GRM7: variants seen among roughly 807,000 people sequenced by gnomAD.
GRM7 encodes metabotropic glutamate receptor 7.
In GRM7, 35 loss-of-function variants were observed where a neutral mutation model predicts 84.5. The ratio of observed to expected loss-of-function variants is 0.41; its 90% CI spans 0.32 to 0.55. The LOEUF is 0.55. GRM7 is among the 20% of genes least tolerant of loss of function. The probability of loss-of-function intolerance (pLI) is 0.19; values close to 1 mark genes in which losing one functional copy is unlikely to be tolerated. For synonymous variants in GRM7, 487 were observed against 455.1 expected (o/e 1.07, Z -0.89); for missense variants, 1,003 against 1,194.6 (o/e 0.84, Z 2.36).
chr3:7,224,869 C>T (rs1696931986), intron 2 of GRM7, among the ~76,000 whole-genome samples: 3 of 152,174 alleles, frequency 2.0e-5, no homozygotes, highest in African/African-American at 7.2e-5. Context: ...CCACCACCCA[C>T]TACCATATGA....
At chr3:7,729,945 G>C (rs1702254972) in intron 9 of GRM7, among the ~76,000 whole-genome samples, 1 of 134,986 alleles carries the variant, frequency 7.4e-6, no homozygotes, top group South Asian at 2.5e-4. Context: ...CACGATCTCA[G>C]CTCACTGAAA....
chr3:7,114,078 T>C (rs1246124483), intron 1 of GRM7, among the ~76,000 whole-genome samples: 2 of 152,164 alleles, frequency 1.3e-5, no homozygotes, highest in Non-Finnish European at 2.9e-5. Flanking sequence ...ATTTTTAAAA[T>C]CAGCTGTGTC....
intron 1 of GRM7, among the ~76,000 whole-genome samples, chr3:6,965,121 A>C (rs561096522): frequency 6.6e-6 from 1 of 152,240 alleles, no homozygotes; most frequent in African/African-American, 2.4e-5. Flanking sequence ...TCAGAAATAA[A>C]TGATGAGCAA....
At chr3:7,129,903 G>A (rs992050883) in intron 1 of GRM7, among the ~76,000 whole-genome samples, 1 of 152,164 alleles carries the variant, frequency 6.6e-6, no homozygotes, top group Non-Finnish European at 1.5e-5. Context: ...TCATCAAAAT[G>A]AGTCTTTAAA....
chr3:7,139,337 C>T (rs1302592281), intron 1 of GRM7, among the ~76,000 whole-genome samples: 3 of 151,582 alleles, frequency 2.0e-5, no homozygotes, highest in African/African-American at 7.3e-5. Context: ...CACAGCAACA[C>T]ACAGCATTCA....
At chr3:7,329,628 A>G (rs530227663) in intron 4 of GRM7, among the ~76,000 whole-genome samples, 1 of 152,294 alleles carries the variant, frequency 6.6e-6, no homozygotes, top group South Asian at 2.1e-4. Context: ...ATAAATGAAT[A>G]TTTAAAAAAT....
intron 7 of GRM7, among the ~76,000 whole-genome samples, chr3:7,561,187 C>A (rs1367872952): frequency 6.6e-6 from 1 of 152,088 alleles, no homozygotes; most frequent in Admixed American, 6.6e-5. Context: ...TTCACTGTTT[C>A]TGAATGCGTT....
Position 7,646,265 on chromosome 3 carries a change from C to T in GRM7, c.2452-33784C>T, listed in dbSNP as rs185136174. On this transcript the variant is annotated intron_variant, in intron 8 of 9. Coordinates refer to ENST00000357716, the MANE Select transcript of GRM7 (RefSeq NM_000844.4). ...GGAGTAAAGTGGTGCAATCTCGGCT[C>T]ACTGCAGCCTCTGCCTCCCAGGTTC... Among the ~76,000 whole-genome samples, 347 of 152,270 alleles carry T rather than the reference C, an allele frequency of 2.3e-3. 4 individuals carry two copies. The highest frequency in any genetic ancestry group is 7.8e-3 in the African/African-American group (326 of 41,554).
rs545907129 is a variant in GRM7, at chr3:7,235,570, A to C, written c.737-63114A>C. ...CAACACCTCCTGACGATTTGATCTA[A>C]GCCACCAAGGAAATTCTTTACGGAG... On this transcript the variant is annotated intron_variant, in intron 2 of 9. Coordinates refer to ENST00000357716, the MANE Select transcript of GRM7 (RefSeq NM_000844.4). Among the ~76,000 whole-genome samples, 8 of 152,330 alleles carry C rather than the reference A, an allele frequency of 5.3e-5. No individual in the cohort carries two copies. The South Asian group carries it at 1.7e-3, about 32-fold the overall frequency.
intron 2 of GRM7, among the ~76,000 whole-genome samples, chr3:7,171,258 T>G (rs1694973491): frequency 6.6e-6 from 1 of 152,164 alleles, no homozygotes; most frequent in Admixed American, 6.6e-5. Flanking sequence ...TTCACTTATC[T>G]TCCCTCTGCT....
At chr3:7,336,057 A>G (rs183276180) in intron 4 of GRM7, among the ~76,000 whole-genome samples, 3 of 151,668 alleles carry the variant, frequency 2.0e-5, no homozygotes, top group Admixed American at 2.0e-4. Flanking sequence ...TGAAACCAGT[A>G]TCACCATAAA....
intron 7 of GRM7, among the ~76,000 whole-genome samples, chr3:7,564,103 TCACTGGGGA>T (rs1456603184): frequency 6.6e-6 from 1 of 152,114 alleles, no homozygotes; most frequent in Non-Finnish European, 1.5e-5. Flanking sequence ...TAGATGGTCA[TCACTGGGGA>T]CAAAGAAGAA....
At chr3:7,460,020 G>A (rs57323050) in intron 6 of GRM7, among the ~76,000 whole-genome samples, 135 of 144,112 alleles carry the variant, frequency 9.4e-4, no homozygotes, top group African/African-American at 3.3e-3. Context: ...GATGGATACC[G>A]AGGCAATTTG....
chr3:7,508,514 A>C (rs1454498323), intron 7 of GRM7, among the ~76,000 whole-genome samples: 14 of 152,142 alleles, frequency 9.2e-5, no homozygotes, highest in Admixed American at 9.2e-4. Context: ...AAAGAGGTTA[A>C]TTGGTTATAT....
At chr3:7,392,423 A>G (rs1170184030) in intron 4 of GRM7, among the ~76,000 whole-genome samples, 2 of 152,182 alleles carry the variant, frequency 1.3e-5, no homozygotes, top group Admixed American at 6.5e-5. Flanking sequence ...CTCCAGAGCA[A>G]GCCCTTCAAT....
At chr3:6,899,767 C>A (rs1487609036) in intron 1 of GRM7, among the ~76,000 whole-genome samples, 1 of 152,060 alleles carries the variant, frequency 6.6e-6, no homozygotes, top group African/African-American at 2.4e-5. Context: ...GTTTCATTGA[C>A]CAAACTAAGA....
At chr3:6,930,167 G>T (rs1697451755) in intron 1 of GRM7, among the ~76,000 whole-genome samples, 1 of 152,162 alleles carries the variant, frequency 6.6e-6, no homozygotes, top group Non-Finnish European at 1.5e-5. Flanking sequence ...CAGTTGCCTT[G>T]TCTGTAGGTG....
rs541614779 is a variant in GRM7, at chr3:7,670,611, C to G, written c.2452-9438C>G. Among the ~76,000 whole-genome samples the G allele has an allele frequency of 4.6e-5, 7 of 152,240 alleles. No homozygotes were observed. The East Asian group carries it at 1.4e-3, about 29-fold the overall frequency. On this transcript the variant is annotated intron_variant, in intron 8 of 9. Transcript: ENST00000357716. Reference sequence around the variant, plus strand: ...TCAGTGTTTTCCACTTGATTCTTCTCTTTTTATGTTCATTAGAACTATGAA... The same window carrying G: ...TCAGTGTTTTCCACTTGATTCTTCTGTTTTTATGTTCATTAGAACTATGAA...
chr3:6,919,367 T>TA, intron 1 of GRM7, among the ~76,000 whole-genome samples: 1 of 131,868 alleles, frequency 7.6e-6, no homozygotes, highest in East Asian at 2.1e-4. Flanking sequence ...CCTGGCTAAT[T>TA]TTTTTTTTTT....
Sources: allele counts gnomAD v4.1 joint callset (sites outside exome capture counted in the v4.1 genomes callset), GRCh38; gene constraint gnomAD v4.1.1; transcripts MANE v1.5; gene names NCBI Gene and HGNC (gene_info 2026-07-23, HGNC 2026-07-21).